FGF13: variants seen among roughly 807,000 people sequenced by gnomAD.
FGF13 encodes fibroblast growth factor 13, also known as fibroblast growth factor homologous factor 2.
In FGF13, 2 loss-of-function variants were observed where a neutral mutation model predicts 19.5. The ratio of observed to expected loss-of-function variants is 0.10; its 90% confidence interval spans 0.04 to 0.32. The LOEUF is 0.32. Ranked by LOEUF, FGF13 falls within the 10% of genes least tolerant of loss-of-function variation. FGF13 has a pLI of 1.00. For missense variants in FGF13, 113 were observed against 192.7 expected (o/e 0.59, Z 2.45); for synonymous variants, 72 against 76.9 (o/e 0.94, Z 0.33).
intron 3 of FGF13, among the ~76,000 whole-genome samples, chrX:138,776,861 C>A (rs2090591500): frequency 9.0e-6 from 1 of 111,558 alleles, no homozygotes; most frequent in African/African-American, 3.3e-5. Flanking sequence ...CTGGTCCAGA[C>A]AAGATGGTGT....
At chrX:139,013,479 T>A (rs1015352445) in intron 1 of FGF13, among the ~76,000 whole-genome samples, 2 of 71,081 alleles carry the variant, frequency 2.8e-5, no homozygotes, top group African/African-American at 6.1e-5. Flanking sequence ...AAAGAAAATT[T>A]TATATATATA....
upstream of FGF13, among the ~76,000 whole-genome samples, chrX:138,713,422 T>C (rs1423741174): frequency 1.8e-5 from 2 of 111,697 alleles, no homozygotes; most frequent in Admixed American, 9.5e-5. Flanking sequence ...AGCCCAAATA[T>C]TTGGGGTGGG....
At chrX:138,780,224 C>G (rs189721000) in intron 3 of FGF13, among the ~76,000 whole-genome samples, 1 of 108,291 alleles carries the variant, frequency 9.2e-6, no homozygotes, top group Non-Finnish European at 1.9e-5. Flanking sequence ...CAAAATGAAA[C>G]GACCATCGAG....
At chrX:138,944,423 A>G (rs1245049273) in intron 1 of FGF13, among the ~76,000 whole-genome samples, 2 of 110,327 alleles carry the variant, frequency 1.8e-5, no homozygotes, top group East Asian at 2.8e-4. Flanking sequence ...GGAAGGAATT[A>G]TATCATCTTA....
At chrX:138,663,200 C>T (rs1365746661) in intron 3 of FGF13, among the ~76,000 whole-genome samples, 1 of 111,369 alleles carries the variant, frequency 9.0e-6, no homozygotes, top group Non-Finnish European at 1.9e-5. Flanking sequence ...GTATTCAGGG[C>T]AGAAATTTAT....
chrX:138,673,237 A>G (rs184944586), intron 3 of FGF13, among the ~76,000 whole-genome samples: 35 of 111,671 alleles, frequency 3.1e-4, no homozygotes, highest in African/African-American at 1.1e-3. Context: ...ATTTAAATGA[A>G]GCTGAAAGAG....
intron 1 of FGF13, among the ~76,000 whole-genome samples, chrX:138,984,642 GAGAAGA>G (rs1211189555): frequency 1.3e-5 from 1 of 74,086 alleles, no homozygotes; most frequent in African/African-American, 5.2e-5. Flanking sequence ...GGAGGAGGAG[GAGAAGA>G]AGAAGAAGGA....
chrX:138,768,742 T>C (rs1487400635), intron 3 of FGF13, among the ~76,000 whole-genome samples: 13 of 101,671 alleles, frequency 1.3e-4, no homozygotes, highest in African/African-American at 4.8e-4. Context: ...ATATATGATA[T>C]ATATATATAT....
At chrX:139,083,857 C>T (rs1396833711) in intron 1 of FGF13, among the ~76,000 whole-genome samples, 1 of 110,705 alleles carries the variant, frequency 9.0e-6, no homozygotes, top group Non-Finnish European at 1.9e-5. Context: ...GCGACGGAGA[C>T]TCCTTCTCAA....
At position 138,617,008 on chromosome X, in the gene FGF13, G is replaced by A. The variant is rs937790390; in HGVS notation, c.*15842C>T. ...CCACTAAACCATTTTTTTCCTTCAA[G>A]GCCTCCTGGCCTATAATGGGAGAGG... On this transcript the variant is annotated 3_prime_UTR_variant, in exon 5 of 5. Coordinates refer to ENST00000315930, the MANE Select transcript of FGF13 (RefSeq NM_004114.5). 3 of 111,814 alleles carry A rather than the reference G, an allele frequency of 2.7e-5. No homozygotes were observed. Among genetic ancestry groups the A allele is most frequent in the Admixed American group, 1.9e-4 (2 of 10,549 alleles). The allele number at this position is 111,814 out of a possible 1,213,427, so 9.2% of individuals were successfully genotyped here.
chrX:138,802,134 G>T lies in FGF13; in HGVS notation c.217+55378C>A, dbSNP rs1438637643. On this transcript the variant is annotated intron_variant, in intron 3 of 6. Coordinates refer to the FGF13 transcript ENST00000436198. ...TGCTGGGTTTCCAGGTATCACTGGG[G>T]TATGAAAACAAAAACAAAAACAAAA... 2.7e-5 allele frequency among the ~76,000 whole-genome samples: 3 copies of T among 111,650 alleles called. No homozygotes were observed. In the Admixed American group the frequency reaches 2.8e-4, roughly 11 times the overall value.
At chrX:138,721,957 A>C (rs2090150923) in intron 1 of FGF13, among the ~76,000 whole-genome samples, 1 of 111,155 alleles carries the variant, frequency 9.0e-6, no homozygotes, top group Non-Finnish European at 1.9e-5. Context: ...ACACTTATGC[A>C]CTTATGTTAA....
chrX:139,126,311 C>A (rs2083715404), intron 1 of FGF13, among the ~76,000 whole-genome samples: 1 of 111,666 alleles, frequency 9.0e-6, no homozygotes, highest in African/African-American at 3.3e-5. Flanking sequence ...GCTCAAGAGT[C>A]CCCTCCTTTA....
rs2088988910 is a variant in FGF13 at position 138,618,603 on chromosome X, G to T, written c.*14247C>A. Reference sequence around the variant, plus strand: ...GTAAACCCCCGAAGCTGACACATGGGTGCTCCCAAAACTTTGCATGTCTCC... The same window carrying T: ...GTAAACCCCCGAAGCTGACACATGGTTGCTCCCAAAACTTTGCATGTCTCC... On this transcript the variant is annotated 3_prime_UTR_variant, in exon 5 of 5. Coordinates refer to ENST00000315930, the MANE Select transcript of FGF13 (RefSeq NM_004114.5). 9.0e-6 allele frequency: 1 copy of T among 111,506 alleles called. No individual in the cohort carries two copies. Among genetic ancestry groups the T allele is most frequent in the African/African-American group, 3.3e-5 (1 of 30,551 alleles). 9.2% of individuals were successfully genotyped at this position (111,506 alleles called of 1,213,427 possible).
chrX:138,716,251 C>T, upstream of FGF13: 1 of 111,963 alleles, frequency 8.9e-6, no homozygotes, highest in East Asian at 2.8e-4. Flanking sequence ...AATGCACCAA[C>T]GTCGAGTAAC....
In FGF13 at chrX:138,711,705, G is replaced by A. The variant is rs190473772; in HGVS notation, c.-702C>T. On this transcript the variant is annotated 5_prime_UTR_variant, in exon 1 of 5. Coordinates refer to ENST00000315930, the MANE Select transcript of FGF13 (RefSeq NM_004114.5). ...AATTCAGCCGCCGCAGGCACCCTCC[G>A]GAACAGCGCGACAGCCTCCTTGCAG... is the stretch of plus-strand genomic sequence containing the variant. 1.6e-3 allele frequency: 1,166 copies of A among 751,282 alleles called. 1 individual carries two copies. The highest frequency in any genetic ancestry group is 1.7e-3 in the Non-Finnish European group (1,109 of 637,599). The allele number at this position is 751,282 out of a possible 1,213,427, so 61.9% of individuals were successfully genotyped here. A position where few individuals can be genotyped will look rare whatever the true frequency, so the allele number is the denominator to read the frequency against.
intron 1 of FGF13, among the ~76,000 whole-genome samples, chrX:138,962,401 T>A (rs1324500584): frequency 4.5e-5 from 5 of 112,195 alleles, no homozygotes; most frequent in Admixed American, 9.4e-5. Context: ...TTGGTGGAAC[T>A]GTAAACTGGT....
chrX:138,889,621 C>A lies in FGF13; in HGVS notation c.-112-24971G>T, dbSNP rs766464860. Among the ~76,000 whole-genome samples the A allele has an allele frequency of 2.1e-4, 24 of 111,753 alleles. No individual in the cohort carries two copies. In the East Asian group the frequency reaches 6.5e-3, roughly 30 times the overall value. Reference sequence around the variant, plus strand: ...TTTCACAACCCATCCCATAGCCTGGCTCTCTTGAAATGGCCCATAAAAGAA... The same window carrying A: ...TTTCACAACCCATCCCATAGCCTGGATCTCTTGAAATGGCCCATAAAAGAA... On this transcript the variant is annotated intron_variant, in intron 1 of 2. Coordinates refer to the FGF13 transcript ENST00000421460.
chrX:138,771,424 A>AT (rs1033122159), intron 3 of FGF13, among the ~76,000 whole-genome samples: 1 of 111,683 alleles, frequency 9.0e-6, no homozygotes, highest in Admixed American at 9.6e-5. Flanking sequence ...TAAATGATAC[A>AT]TTTTTTAGTA....
Sources: gnomAD v4.1 joint callset for allele counts (sites outside exome capture counted in the v4.1 genomes callset) on GRCh38, gnomAD v4.1.1 for gene constraint, MANE v1.5 for transcripts, NCBI Gene and HGNC (gene_info 2026-07-23, HGNC 2026-07-21) for gene names.